Variants in GLIS3 observed in about 807,000 individuals in gnomAD.
The protein encoded by GLIS3 is GLIS family zinc finger 3.
Under a neutral mutation model 78.6 loss-of-function variants are expected in GLIS3, and 53 were observed. That is an observed-to-expected ratio of 0.67 (90% CI 0.54 to 0.85). The LOEUF is 0.85. Among genes scored for constraint, GLIS3 ranks in the 40% least tolerant of loss-of-function variants. The pLI is 0.00. For missense variants in GLIS3, 1,703 were observed against 1,231.1 expected (o/e 1.38, Z -5.74); for synonymous variants, 684 against 509.9 (o/e 1.34, Z -4.60).
At chr9:4,193,002 C>T (rs536160873) in intron 2 of GLIS3, among the ~76,000 whole-genome samples, 13 of 152,186 alleles carry the variant, frequency 8.5e-5, no homozygotes, top group Non-Finnish European at 1.8e-4. Context: ...GATGCTGGAC[C>T]TGTGATCATG....
At chr9:4,313,086 C>A (rs1222199168) in intron 2 of GLIS3, among the ~76,000 whole-genome samples, 1 of 152,140 alleles carries the variant, frequency 6.6e-6, no homozygotes, top group Non-Finnish European at 1.5e-5. Context: ...GACAAAAAAG[C>A]CTCAAACTGA....
chr9:4,340,662 C>T (rs188584007), intron 2 of GLIS3, among the ~76,000 whole-genome samples: 48 of 152,218 alleles, frequency 3.2e-4, no homozygotes, highest in African/African-American at 9.4e-4. Context: ...AGACCGTTGT[C>T]GGAACCAGAT....
chr9:4,468,606 G>T, the GLIS3 span, among the ~76,000 whole-genome samples: 571 of 152,266 alleles, frequency 3.8e-3, 2 homozygotes, highest in Non-Finnish European at 6.1e-3. Context: ...GTCACCACCA[G>T]GCCTGCCTTA....
chr9:4,062,837 G>A (rs1186890484), intron 4 of GLIS3, among the ~76,000 whole-genome samples: 1 of 152,048 alleles, frequency 6.6e-6, no homozygotes, highest in Non-Finnish European at 1.5e-5. Flanking sequence ...GCTGAGGCAG[G>A]AGAATGGCAT....
At chr9:4,435,049 C>A in the GLIS3 span, among the ~76,000 whole-genome samples, 508 of 152,366 alleles carry the variant, frequency 3.3e-3, 5 homozygotes, top group South Asian at 0.011. Flanking sequence ...ATCATTAATA[C>A]AGCAGAAGCT....
intron 6 of GLIS3, among the ~76,000 whole-genome samples, chr9:3,922,312 A>G (rs983181445): frequency 2.6e-5 from 4 of 152,242 alleles, no homozygotes; most frequent in Middle Eastern, 3.2e-3. Flanking sequence ...TGCATATGAC[A>G]GGAAAAAATA....
intron 4 of GLIS3, chr9:3,975,069 T>A (rs2130937492): frequency 6.6e-6 from 1 of 152,124 alleles, no homozygotes; most frequent in Non-Finnish European, 1.5e-5. Context: ...ATTTCTGGGG[T>A]TGCAATGTAG....
At chr9:3,970,637 G>C (rs1818310782) in intron 4 of GLIS3, among the ~76,000 whole-genome samples, 1 of 152,144 alleles carries the variant, frequency 6.6e-6, no homozygotes, top group Non-Finnish European at 1.5e-5. Flanking sequence ...GTAATGTAGA[G>C]GTTGAGAAGC....
At chr9:4,237,830 T>C (rs550048846) in intron 2 of GLIS3, among the ~76,000 whole-genome samples, 1 of 152,342 alleles carries the variant, frequency 6.6e-6, no homozygotes, top group Non-Finnish European at 1.5e-5. Context: ...TAAGCACATT[T>C]TGTCTTTCCC....
intron 6 of GLIS3, among the ~76,000 whole-genome samples, chr9:3,923,790 T>C (rs747760176): frequency 1.3e-5 from 2 of 152,194 alleles, no homozygotes; most frequent in Non-Finnish European, 1.5e-5. Context: ...ATAATGCTGA[T>C]GGGCTATAGC....
the GLIS3 span, among the ~76,000 whole-genome samples, chr9:4,484,227 C>CTTTTTT: frequency 6.9e-6 from 1 of 145,404 alleles, no homozygotes; most frequent in African/African-American, 2.6e-5. Context: ...GCCAAACTAA[C>CTTTTTT]TTTTTTTTTT....
At chr9:4,202,408 C>T (rs1819485809) in intron 2 of GLIS3, among the ~76,000 whole-genome samples, 1 of 147,344 alleles carries the variant, frequency 6.8e-6, no homozygotes, top group South Asian at 2.2e-4. Context: ...ACCTCAGCCT[C>T]CCAAGGACTC....
intron 8 of GLIS3, among the ~76,000 whole-genome samples, chr9:3,873,735 A>C (rs993592488): frequency 3.9e-5 from 6 of 152,336 alleles, no homozygotes; most frequent in Admixed American, 3.3e-4. Context: ...AGGCCTAGAA[A>C]GATCATACAT....
intron 4 of GLIS3, among the ~76,000 whole-genome samples, chr9:3,987,016 A>T (rs1167625797): frequency 6.6e-6 from 1 of 152,262 alleles, no homozygotes. Flanking sequence ...TAGATCTTGA[A>T]ATGATCTGAA....
intron 10 of GLIS3, 128 bp downstream of exon 10, chr9:3,829,182 G>T: frequency 1.3e-6 from 1 of 766,450 alleles, no homozygotes; most frequent in Non-Finnish European, 2.3e-6. Context: ...AGCCATTTCA[G>T]GGGTCGTTCA....
the GLIS3 span, among the ~76,000 whole-genome samples, chr9:4,466,109 A>G: frequency 1.3e-5 from 2 of 152,234 alleles, no homozygotes; most frequent in Non-Finnish European, 2.9e-5. Context: ...ACCAATACCA[A>G]AAGTGAAAGA....
At chr9:4,192,609 A>T (rs890776263) in intron 2 of GLIS3, among the ~76,000 whole-genome samples, 1 of 152,182 alleles carries the variant, frequency 6.6e-6, no homozygotes, top group Non-Finnish European at 1.5e-5. Flanking sequence ...CATTCCACTT[A>T]TTCATTTGTC....
chr9:3,868,946 G>A (rs1226185536), intron 8 of GLIS3, among the ~76,000 whole-genome samples: 1 of 152,064 alleles, frequency 6.6e-6, no homozygotes, highest in Non-Finnish European at 1.5e-5. Context: ...TGGGTTATGT[G>A]CTCTTTCTGT....
In GLIS3 at chr9:4,042,626, A is replaced by C. The variant is rs576656740; in HGVS notation, c.1710+75142T>G. On this transcript the variant is annotated intron_variant, in intron 4 of 10. Coordinates refer to ENST00000381971, the MANE Select transcript of GLIS3 (RefSeq NM_001042413.2). ...AATTTATGTAAGCCCAGGTGTTCAA[A>C]GTTCCAGGTTGAAACATTTGGTTAA... Among the ~76,000 whole-genome samples, 3 of 152,318 alleles carry C rather than the reference A, an allele frequency of 2.0e-5. No individual in the cohort carries two copies. The South Asian group carries it at 6.2e-4, about 32-fold the overall frequency.
Sources: gnomAD v4.1 joint callset for allele counts (sites outside exome capture counted in the v4.1 genomes callset) on GRCh38, gnomAD v4.1.1 for gene constraint, MANE v1.5 for transcripts, NCBI Gene and HGNC (gene_info 2026-07-23, HGNC 2026-07-21) for gene names.